Variants in BRINP1 observed in about 807,000 individuals in gnomAD.
BRINP1 encodes the protein BMP/retinoic acid inducible neural specific 1, also known as BMP/retinoic acid-inducible neural-specific protein 1.
A neutral mutation model predicts 72.9 loss-of-function variants in BRINP1; 17 were observed. The ratio of observed to expected loss-of-function variants is 0.23; its 90% CI spans 0.16 to 0.35. BRINP1 has a LOEUF of 0.35. Ranked by LOEUF, BRINP1 falls within the 10% of genes least tolerant of loss-of-function variation. The pLI, the probability that BRINP1 is intolerant of heterozygous loss-of-function variation, is 1.00. For synonymous variants in BRINP1, 418 were observed against 378.5 expected (o/e 1.10, Z -1.21); for missense variants, 850 against 1,001.6 (o/e 0.85, Z 2.04).
intron 2 of BRINP1, among the ~76,000 whole-genome samples, chr9:119,295,095 C>T (rs1460892142): frequency 2.6e-5 from 4 of 151,760 alleles, no homozygotes; most frequent in African/African-American, 4.8e-5. Context: ...TCCCACTTCT[C>T]GATTTTAAAA....
Position 119,241,877 on chromosome 9 carries a change from T to C in BRINP1, c.579+170A>G, listed in dbSNP as rs561158416. The stretch of plus-strand genomic sequence containing the variant: ...CCACTGGAATGACAGTGCACATTGA[T>C]ATTAATTACAGGGTATGTGACAATA... On this transcript the variant is annotated intron_variant, in intron 4 of 7. Transcript: ENST00000265922. 1.6e-3 allele frequency among the ~76,000 whole-genome samples: 241 copies of C among 152,322 alleles called. 1 individual carries two copies. The highest frequency in any genetic ancestry group is 5.5e-3 in the African/African-American group (229 of 41,572).
At chr9:119,220,350 G>A (rs74590126) in intron 5 of BRINP1, among the ~76,000 whole-genome samples, 53 of 152,228 alleles carry the variant, frequency 3.5e-4, no homozygotes, top group South Asian at 2.1e-3. Flanking sequence ...ACCATGCTCT[G>A]TGAGGCTGGG....
intron 5 of BRINP1, among the ~76,000 whole-genome samples, chr9:119,216,368 G>A (rs1564219487): frequency 6.6e-6 from 1 of 152,174 alleles, no homozygotes; most frequent in Non-Finnish European, 1.5e-5. Context: ...GTGAGACTGA[G>A]TGAGCTCCAC....
intron 5 of BRINP1, among the ~76,000 whole-genome samples, chr9:119,235,652 T>G (rs1488912281): frequency 6.6e-6 from 1 of 152,250 alleles, no homozygotes; most frequent in African/African-American, 2.4e-5. Context: ...TTATTTTTTT[T>G]GTCTATCTCA....
intron 1 of BRINP1, among the ~76,000 whole-genome samples, chr9:119,327,784 T>C (rs1057337396): frequency 6.6e-6 from 1 of 152,010 alleles, no homozygotes; most frequent in African/African-American, 2.4e-5. Flanking sequence ...TTCATGACAA[T>C]AAAGAATAAT....
At chr9:119,216,939 C>T (rs1326835890) in intron 5 of BRINP1, among the ~76,000 whole-genome samples, 1 of 152,178 alleles carries the variant, frequency 6.6e-6, no homozygotes, top group African/African-American at 2.4e-5. Context: ...ACTGGCTGCT[C>T]TTTAAAAATG....
At chr9:119,287,267 T>C (rs1212740944) in intron 2 of BRINP1, among the ~76,000 whole-genome samples, 2 of 152,192 alleles carry the variant, frequency 1.3e-5, no homozygotes, top group Non-Finnish European at 2.9e-5. Context: ...CTTAAATATA[T>C]CATTGCAAGA....
intron 1 of BRINP1, among the ~76,000 whole-genome samples, chr9:119,358,325 C>A (rs912200407): frequency 1.4e-5 from 2 of 147,836 alleles, no homozygotes; most frequent in Non-Finnish European, 3.0e-5. Flanking sequence ...ATGGGCTGCA[C>A]AAGGCGAAGG....
chr9:119,312,542 G>T (rs915040534), intron 2 of BRINP1, among the ~76,000 whole-genome samples: 51 of 152,284 alleles, frequency 3.3e-4, no homozygotes, highest in Non-Finnish European at 2.5e-4. Flanking sequence ...AAGAATTTGG[G>T]CTAAGTCTTT....
At chr9:119,365,522 T>C (rs1034095127) in intron 1 of BRINP1, among the ~76,000 whole-genome samples, 1 of 152,178 alleles carries the variant, frequency 6.6e-6, no homozygotes, top group Non-Finnish European at 1.5e-5. Context: ...TACTGGTGAT[T>C]TCCTCTAAGG....
intron 7 of BRINP1, among the ~76,000 whole-genome samples, chr9:119,178,062 G>A (rs1829509015): frequency 6.6e-6 from 1 of 152,136 alleles, no homozygotes; most frequent in Non-Finnish European, 1.5e-5. Flanking sequence ...GGGAAATGTG[G>A]AGCAAATGAG....
chr9:119,221,401 T>G (rs181641778), intron 5 of BRINP1, among the ~76,000 whole-genome samples: 4 of 152,284 alleles, frequency 2.6e-5, no homozygotes, highest in Admixed American at 2.6e-4. Context: ...AATGAAGGCA[T>G]GCAGGTCAAT....
At chr9:119,256,569 T>C (rs1475565423) in intron 2 of BRINP1, among the ~76,000 whole-genome samples, 3 of 152,252 alleles carry the variant, frequency 2.0e-5, no homozygotes, top group Admixed American at 6.5e-5. Flanking sequence ...AGACAACTTC[T>C]TTATACAGTG....
intron 5 of BRINP1, among the ~76,000 whole-genome samples, chr9:119,216,338 C>A (rs373290532): frequency 3.3e-5 from 5 of 152,266 alleles, no homozygotes; most frequent in African/African-American, 1.2e-4. Context: ...TTAAGCTATA[C>A]AGTTGAACAA....
intron 2 of BRINP1, among the ~76,000 whole-genome samples, chr9:119,251,780 A>G (rs1431640867): frequency 6.6e-6 from 1 of 152,156 alleles, no homozygotes. Context: ...AGACCTTGAC[A>G]GCCAGCTGAG....
chr9:119,325,344 A>T (rs1260668357), intron 1 of BRINP1, among the ~76,000 whole-genome samples: 1 of 151,974 alleles, frequency 6.6e-6, no homozygotes, highest in Non-Finnish European at 1.5e-5. Context: ...ATCCAAGTAA[A>T]CCATACAATC....
chr9:119,253,747 G>T (rs781274350), intron 2 of BRINP1, among the ~76,000 whole-genome samples: 3 of 152,170 alleles, frequency 2.0e-5, no homozygotes, highest in African/African-American at 7.2e-5. Flanking sequence ...GGATAGGACA[G>T]GTAGAAAGAA....
intron 5 of BRINP1, among the ~76,000 whole-genome samples, chr9:119,229,171 G>A (rs1830123392): frequency 1.3e-5 from 2 of 152,002 alleles, no homozygotes; most frequent in African/African-American, 4.8e-5. Context: ...GACTATGTAA[G>A]GAACACTGCA....
intron 5 of BRINP1, among the ~76,000 whole-genome samples, chr9:119,235,677 T>A (rs908508733): frequency 2.0e-5 from 3 of 152,196 alleles, no homozygotes; most frequent in African/African-American, 7.2e-5. Context: ...CAACATGAGT[T>A]CTTCAAAAAA....
Sources: gnomAD v4.1 joint callset for allele counts (sites outside exome capture counted in the v4.1 genomes callset) on GRCh38, gnomAD v4.1.1 for gene constraint, MANE v1.5 for transcripts, NCBI Gene and HGNC (gene_info 2026-07-23, HGNC 2026-07-21) for gene names.